The following ADGRG6 variants were observed in gnomAD, a reference collection of about 807,000 sequenced individuals.
ADGRG6 encodes adhesion G protein-coupled receptor G6, also known as G-protein coupled receptor 126.
In ADGRG6, 84 loss-of-function variants were observed where a neutral mutation model predicts 142.4. The observed-to-expected ratio is 0.59, with a 90% CI of 0.49 to 0.71. The LOEUF (loss-of-function observed/expected upper bound fraction) is 0.71, where lower values mean the gene tolerates loss of function less well. Among genes scored for constraint, ADGRG6 ranks in the 30% least tolerant of loss-of-function variants. The probability of loss-of-function intolerance (pLI) is 0.00; values close to 1 mark genes in which losing one functional copy is unlikely to be tolerated. For missense variants in ADGRG6, 1,367 were observed against 1,466.6 expected (o/e 0.93, Z 1.11); for synonymous variants, 521 against 520.5 (o/e 1.00, Z -0.01).
intron 1 of ADGRG6, 186 bp downstream of exon 1, chr6:142,302,517 A>G: frequency 3.5e-6 from 2 of 577,258 alleles, no homozygotes; most frequent in South Asian, 5.1e-5. Context: ...ACTATTGCCA[A>G]GTGGAGTTGT....
chr6:142,425,690 C>T (rs1038043367), intron 22 of ADGRG6, among the ~76,000 whole-genome samples: 1 of 152,108 alleles, frequency 6.6e-6, no homozygotes, highest in Non-Finnish European at 1.5e-5. Context: ...TCTGCTGTGG[C>T]ATCAGGGCAT....
At chr6:142,431,908 G>A (rs867368048) in intron 22 of ADGRG6, among the ~76,000 whole-genome samples, 4 of 152,216 alleles carry the variant, frequency 2.6e-5, no homozygotes, top group Middle Eastern at 3.4e-3. Flanking sequence ...GGGCGACAGA[G>A]CCAGATTCCA....
At position 142,401,865 on chromosome 6, in the gene ADGRG6, G is replaced by A. The variant is rs2223616; in HGVS notation, c.1680-129G>A. On this transcript the variant is annotated intron_variant, in intron 11 of 24. Coordinates refer to ENST00000367609, the MANE Select transcript of ADGRG6 (RefSeq NM_198569.3). ...TAAAATGGAAAGAGTGAGAAGCTCA[G>A]TATCTTAAAGGGAAGCTTGTCCATT... 49,322 of 548,498 alleles carry A rather than the reference G, an allele frequency of 0.09. 2,738 individuals are homozygous for A. The highest frequency in any genetic ancestry group is 0.23 in the East Asian group (7,435 of 32,362). 34.0% of individuals were successfully genotyped at this position (548,498 alleles called of 1,614,324 possible).
At chr6:142,420,618 C>T (rs1776617294) in intron 22 of ADGRG6, among the ~76,000 whole-genome samples, 1 of 152,094 alleles carries the variant, frequency 6.6e-6, no homozygotes. Flanking sequence ...CACTCTAGTT[C>T]AGGAACTTTT....
At chr6:142,323,989 T>C (rs527291788) in intron 2 of ADGRG6, among the ~76,000 whole-genome samples, 3 of 152,206 alleles carry the variant, frequency 2.0e-5, no homozygotes, top group South Asian at 4.1e-4. Flanking sequence ...ATCTAAGCTC[T>C]TCTTCAACCT....
intron 2 of ADGRG6, among the ~76,000 whole-genome samples, chr6:142,360,239 C>T (rs1780648918): frequency 6.6e-6 from 1 of 152,134 alleles, no homozygotes; most frequent in Non-Finnish European, 1.5e-5. Context: ...GGACTGATGG[C>T]TCTATGGGAT....
rs367881097 is a variant in ADGRG6, at chr6:142,443,414, C to G, written c.3652C>G (p.Gln1218Glu). Reference sequence around the variant, plus strand: ...TCAAACATCAATCATCCCTGTCCATCAGGTCATTGATAAGGTCAAGGGTTA... The same window carrying G: ...TCAAACATCAATCATCCCTGTCCATGAGGTCATTGATAAGGTCAAGGGTTA... ...GDQTSIIPVH[Q>E]VIDKVKGYCN... Residue 1218 changes from glutamine to glutamate, a missense_variant, in exon 25 of 25, where the codon CAG becomes GAG. Gln to Glu is a conservative substitution (Grantham distance 29). Transcript: ENST00000367609. 3.1e-6 allele frequency: 5 copies of G among 1,610,682 alleles called. No homozygotes were observed. Among genetic ancestry groups the G allele is most frequent in the Non-Finnish European group, 4.2e-6 (5 of 1,177,128 alleles).
At chr6:142,437,223 T>A (rs1490755417) in intron 22 of ADGRG6, among the ~76,000 whole-genome samples, 1 of 152,166 alleles carries the variant, frequency 6.6e-6, no homozygotes, top group Non-Finnish European at 1.5e-5. Flanking sequence ...CAGATCCCTG[T>A]GGTTATTCTA....
intron 2 of ADGRG6, among the ~76,000 whole-genome samples, chr6:142,347,847 C>T (rs1779981246): frequency 6.6e-6 from 1 of 152,124 alleles, no homozygotes; most frequent in African/African-American, 2.4e-5. Context: ...CTTCCAAGGA[C>T]TAACAAGAGT....
chr6:142,317,819 T>A (rs866472056), intron 2 of ADGRG6, among the ~76,000 whole-genome samples: 17 of 85,316 alleles, frequency 2.0e-4, no homozygotes, highest in African/African-American at 8.2e-4. Context: ...TTTATATATA[T>A]TAATTTATAT....
At chr6:142,317,847 A>T (rs1310462247) in intron 2 of ADGRG6, among the ~76,000 whole-genome samples, 2 of 78,454 alleles carry the variant, frequency 2.5e-5, no homozygotes, top group East Asian at 3.1e-4. Context: ...ATTTATATAT[A>T]ATATATATTT....
At chr6:142,374,612 G>C (rs1781410559) in intron 4 of ADGRG6, among the ~76,000 whole-genome samples, 1 of 152,072 alleles carries the variant, frequency 6.6e-6, no homozygotes, top group African/African-American at 2.4e-5. Flanking sequence ...GCCCTGATGG[G>C]CTTTTAAATG....
chr6:142,437,576 G>A (rs1270476991), intron 23 of ADGRG6, 41 bp downstream of exon 23: 4 of 926,082 alleles, frequency 4.3e-6, no homozygotes, highest in Non-Finnish European at 3.6e-6. Flanking sequence ...ACAAGTAGAT[G>A]GGAAAGTTTG....
intron 2 of ADGRG6, among the ~76,000 whole-genome samples, chr6:142,317,308 A>C (rs1237222981): frequency 6.6e-6 from 1 of 152,044 alleles, no homozygotes; most frequent in Non-Finnish European, 1.5e-5. Flanking sequence ...TATTTAAGGT[A>C]GTGTCCATTT....
chr6:142,428,975 G>GT (rs1777086636), intron 22 of ADGRG6, among the ~76,000 whole-genome samples: 1 of 152,020 alleles, frequency 6.6e-6, no homozygotes, highest in African/African-American at 2.4e-5. Flanking sequence ...TATTTTTGCT[G>GT]TTTTCCAGGA....
chr6:142,332,291 G>A (rs1779099257), intron 2 of ADGRG6, among the ~76,000 whole-genome samples: 1 of 152,128 alleles, frequency 6.6e-6, no homozygotes. Context: ...TAGGTAGAAA[G>A]TCCTAGCATA....
chr6:142,401,509 A>AT (rs1387858313), intron 11 of ADGRG6, among the ~76,000 whole-genome samples: 3 of 152,154 alleles, frequency 2.0e-5, no homozygotes, highest in Non-Finnish European at 1.5e-5. Context: ...TCCCATAAGA[A>AT]TTTTTAGCAT....
Position 142,409,922 on chromosome 6 carries a change from A to G in ADGRG6, c.2434+3A>G, listed in dbSNP as rs758130633. 1 of 1,392,364 alleles carries G rather than the reference A, an allele frequency of 7.2e-7. No homozygotes were observed. Among genetic ancestry groups the G allele is most frequent in the East Asian group, 2.4e-5 (1 of 42,386 alleles). The allele number at this position is 1,392,364 out of a possible 1,614,324, so 86.3% of individuals were successfully genotyped here. On this transcript the variant is annotated splice_donor_region_variant and intron_variant, in intron 17 of 24. Transcript: ENST00000367609. ...CTTCTGGGATCTGAACAAAAACAGT[A>G]AGTTTTAAAATATTGGTTGTCTTAA...
At chr6:142,401,946 A>C (rs779778787) in intron 11 of ADGRG6, 48 bp from the exon 12 acceptor site, 1 of 864,668 alleles carries the variant, frequency 1.2e-6, no homozygotes, top group South Asian at 1.5e-5. Context: ...GCAGTACAAA[A>C]TAATACCAGT....
Sources: allele counts gnomAD v4.1 joint callset (sites outside exome capture counted in the v4.1 genomes callset), GRCh38; gene constraint gnomAD v4.1.1; transcripts MANE v1.5; gene names NCBI Gene and HGNC (gene_info 2026-07-23, HGNC 2026-07-21).